The following SLC35D4 variants were observed in gnomAD, a reference collection of about 807,000 sequenced individuals.
SLC35D4 encodes solute carrier family 35 member D4, also known as UDP-N-acetylglucosamine transporter SLC35D4.
chr18:23,371,775 AC>A, the SLC35D4 span, among the ~76,000 whole-genome samples: 1 of 151,540 alleles, frequency 6.6e-6, no homozygotes, highest in Non-Finnish European at 1.5e-5. Flanking sequence ...GGTTGTATGT[AC>A]CCCCTACTGT....
At chr18:23,374,282 G>A in the SLC35D4 span, among the ~76,000 whole-genome samples, 2 of 152,114 alleles carry the variant, frequency 1.3e-5, no homozygotes, top group Non-Finnish European at 2.9e-5. Flanking sequence ...ATAAAGCTCG[G>A]AAGGACACAA....
the SLC35D4 span, chr18:23,257,786 A>AAAAGAT: frequency 1.2e-5 from 2 of 160,644 alleles, no homozygotes; most frequent in African/African-American, 4.8e-5. Context: ...GAAAACTTTT[A>AAAAGAT]AAAGATACCC....
At chr18:23,333,628 C>A in the SLC35D4 span, among the ~76,000 whole-genome samples, 1 of 152,098 alleles carries the variant, frequency 6.6e-6, no homozygotes. Context: ...GAATGCAAGG[C>A]CTGAAGCTAC....
the SLC35D4 span, among the ~76,000 whole-genome samples, chr18:23,381,982 G>A: frequency 1.1e-4 from 17 of 152,180 alleles, no homozygotes; most frequent in Non-Finnish European, 4.4e-5. Context: ...GCTCATGCCT[G>A]TAATCCCAGC....
At chr18:23,332,183 C>G in the SLC35D4 span, among the ~76,000 whole-genome samples, 1 of 152,024 alleles carries the variant, frequency 6.6e-6, no homozygotes, top group Admixed American at 6.6e-5. Flanking sequence ...GCGTGAGCCA[C>G]CACACTTGGC....
chr18:23,293,024 G>T, the SLC35D4 span, among the ~76,000 whole-genome samples: 1 of 152,182 alleles, frequency 6.6e-6, no homozygotes, highest in Non-Finnish European at 1.5e-5. Flanking sequence ...CGGATCACTT[G>T]AAGTCAGGAG....
the SLC35D4 span, among the ~76,000 whole-genome samples, chr18:23,394,164 A>T: frequency 6.6e-6 from 1 of 152,226 alleles, no homozygotes; most frequent in South Asian, 2.1e-4. Flanking sequence ...ACCACTGTGC[A>T]TTCCCACCCG....
At chr18:23,275,608 T>TGCGGTGCGGTGCGGTGCGGTGCGGTGCG in the SLC35D4 span, among the ~76,000 whole-genome samples, 1 of 83,634 alleles carries the variant, frequency 1.2e-5, no homozygotes, top group South Asian at 3.6e-4. Context: ...TGTGCTGTGC[T>TGCGGTGCGGTGCGGTGCGGTGCGGTGCG]GTGCTGTGCT....
the SLC35D4 span, among the ~76,000 whole-genome samples, chr18:23,265,427 G>A: frequency 5.3e-5 from 8 of 152,130 alleles, no homozygotes; most frequent in East Asian, 5.8e-4. Context: ...AGTAGGAAAC[G>A]GTGTCTCATC....
the SLC35D4 span, among the ~76,000 whole-genome samples, chr18:23,406,241 A>G: frequency 4.6e-5 from 7 of 152,222 alleles, no homozygotes; most frequent in African/African-American, 1.7e-4. Flanking sequence ...TTTGCAGATT[A>G]ACTTTAGCCA....
At chr18:23,437,638 A>T in the SLC35D4 span, 1 of 809,452 alleles carries the variant, frequency 1.2e-6, no homozygotes, top group African/African-American at 1.8e-5. Context: ...AGCATCCCAC[A>T]CACGGAGGAG....
chr18:23,386,433 G>C, the SLC35D4 span, among the ~76,000 whole-genome samples: 1 of 152,112 alleles, frequency 6.6e-6, no homozygotes, highest in African/African-American at 2.4e-5. Context: ...AGCTGAAAGA[G>C]GCCAGGAACA....
the SLC35D4 span, among the ~76,000 whole-genome samples, chr18:23,282,155 CAT>C: frequency 6.6e-6 from 1 of 152,252 alleles, no homozygotes; most frequent in Non-Finnish European, 1.5e-5. Flanking sequence ...CACGAAGACA[CAT>C]GTGCAGACAC....
At chr18:23,353,829 T>A in the SLC35D4 span, among the ~76,000 whole-genome samples, 1 of 152,162 alleles carries the variant, frequency 6.6e-6, no homozygotes, top group Non-Finnish European at 1.5e-5. Flanking sequence ...AAATCCCCCT[T>A]CCCACCTTTT....
the SLC35D4 span, among the ~76,000 whole-genome samples, chr18:23,263,267 A>G: frequency 6.6e-6 from 1 of 152,212 alleles, no homozygotes; most frequent in Non-Finnish European, 1.5e-5. Flanking sequence ...TGCTGGAGAG[A>G]TGGCCTTGAG....
the SLC35D4 span, among the ~76,000 whole-genome samples, chr18:23,313,974 G>A: frequency 1.3e-5 from 2 of 152,286 alleles, no homozygotes; most frequent in African/African-American, 2.4e-5. Context: ...CTTGACTGAC[G>A]CCCCACAGAA....
the SLC35D4 span, among the ~76,000 whole-genome samples, chr18:23,347,985 A>T: frequency 1.3e-5 from 2 of 152,152 alleles, no homozygotes; most frequent in Admixed American, 1.3e-4. Context: ...ACAGATATAA[A>T]TTTCCCTTCA....
the SLC35D4 span, among the ~76,000 whole-genome samples, chr18:23,249,301 T>C: frequency 6.6e-6 from 1 of 152,114 alleles, no homozygotes; most frequent in Admixed American, 6.5e-5. Context: ...GGAGGTTGGA[T>C]GTTCAGATAA....
chr18:23,250,392 C>G, the SLC35D4 span, among the ~76,000 whole-genome samples: 6 of 152,154 alleles, frequency 3.9e-5, no homozygotes, highest in African/African-American at 1.2e-4. Context: ...ACTTGGGAAA[C>G]AGGAGGGTTG....
Sources: allele counts gnomAD v4.1 joint callset (sites outside exome capture counted in the v4.1 genomes callset), GRCh38; gene constraint gnomAD v4.1.1; transcripts MANE v1.5; gene names NCBI Gene and HGNC (gene_info 2026-07-23, HGNC 2026-07-21).